The following OPCML variants were observed in gnomAD, a reference collection of about 807,000 sequenced individuals.
The protein encoded by OPCML is opioid-binding protein/cell adhesion molecule.
In OPCML, 13 loss-of-function variants were observed where a neutral mutation model predicts 37.8. That is an observed-to-expected ratio of 0.34 (90% CI 0.22 to 0.55). OPCML has a LOEUF of 0.55. Among genes scored for constraint, OPCML ranks in the 20% least tolerant of loss-of-function variants. The probability of loss-of-function intolerance (pLI) is 0.91; values close to 1 mark genes in which losing one functional copy is unlikely to be tolerated. For missense variants in OPCML, 341 were observed against 435.6 expected (o/e 0.78, Z 1.93); for synonymous variants, 176 against 168.8 (o/e 1.04, Z -0.33).
At position 133,206,688 on chromosome 11, in the gene OPCML, T is replaced by A. The variant is rs1219875596; in HGVS notation, c.62-263678A>T. ...CTGTGCTCTCCTGCTCGATGAAGCT[T>A]CTATCTGTGTATCCTGGTGTGCTTG... On this transcript the variant is annotated intron_variant, in intron 1 of 7. Coordinates refer to ENST00000524381, the MANE Select transcript of OPCML (RefSeq NM_001012393.5). The surrounding 1 kb of genome is among the most constrained non-coding windows in gnomAD (Gnocchi z 4.7). Among the ~76,000 whole-genome samples the A allele has an allele frequency of 1.3e-5, 2 of 152,282 alleles. No homozygotes were observed. The highest frequency in any genetic ancestry group is 3.4e-3 in the Middle Eastern group (1 of 294).
chr11:132,903,463 C>T (rs1222815041), intron 2 of OPCML, among the ~76,000 whole-genome samples: 1 of 152,154 alleles, frequency 6.6e-6, no homozygotes, highest in Non-Finnish European at 1.5e-5. Context: ...TGGAACCCTT[C>T]TCTCATTCAA....
intron 2 of OPCML, chr11:132,772,077 C>T (rs1477508582): frequency 6.6e-6 from 1 of 152,174 alleles, no homozygotes; most frequent in Admixed American, 6.5e-5. Flanking sequence ...AACACTGGTT[C>T]TTAGGTCCAA....
chr11:132,564,620 C>A (rs1460132140), intron 3 of OPCML, among the ~76,000 whole-genome samples: 5 of 152,012 alleles, frequency 3.3e-5, no homozygotes, highest in Non-Finnish European at 7.4e-5. Context: ...GTGACAGGCG[C>A]TTAGAAAGTA....
intron 1 of OPCML, among the ~76,000 whole-genome samples, chr11:133,268,574 T>G (rs1377282191): frequency 6.6e-6 from 1 of 152,236 alleles, no homozygotes; most frequent in South Asian, 2.1e-4. Flanking sequence ...AATACACCTT[T>G]ATTTTAATGA....
intron 1 of OPCML, among the ~76,000 whole-genome samples, chr11:133,500,139 G>A (rs1220381629): frequency 1.3e-5 from 2 of 151,906 alleles, no homozygotes; most frequent in Non-Finnish European, 2.9e-5. Flanking sequence ...CAAAGTGCTG[G>A]GTTTACAGGC....
intron 1 of OPCML, among the ~76,000 whole-genome samples, chr11:133,507,283 G>T (rs1948055141): frequency 6.6e-6 from 1 of 152,194 alleles, no homozygotes. Flanking sequence ...TGGAGCAGGA[G>T]GATGGGACAC....
chr11:133,441,550 A>T (rs1430331383), intron 1 of OPCML, among the ~76,000 whole-genome samples: 2 of 152,146 alleles, frequency 1.3e-5, no homozygotes, highest in Admixed American at 1.3e-4. Context: ...TTATAATTTC[A>T]AAAGGATTAG....
intron 4 of OPCML, among the ~76,000 whole-genome samples, chr11:132,468,855 A>G (rs1392410756): frequency 2.0e-5 from 3 of 151,960 alleles, no homozygotes; most frequent in Non-Finnish European, 4.4e-5. Flanking sequence ...ACCTCCCAGA[A>G]CTCTCCTGCA....
chr11:132,494,028 C>T (rs941028684), intron 4 of OPCML, among the ~76,000 whole-genome samples: 1 of 152,228 alleles, frequency 6.6e-6, no homozygotes, highest in African/African-American at 2.4e-5. Flanking sequence ...GGGTGCCTTT[C>T]CCTGCCTGGC....
intron 2 of OPCML, among the ~76,000 whole-genome samples, chr11:132,870,159 A>T (rs1942741144): frequency 6.6e-6 from 1 of 152,194 alleles, no homozygotes; most frequent in African/African-American, 2.4e-5. Context: ...CATTGGGAGA[A>T]TTTAAGTAAC....
At chr11:133,183,621 T>C (rs750917954) in intron 1 of OPCML, among the ~76,000 whole-genome samples, 19 of 152,298 alleles carry the variant, frequency 1.2e-4, no homozygotes, top group Admixed American at 7.8e-4. Context: ...ACCTAAATTT[T>C]CGAGAGTGTA....
intron 2 of OPCML, among the ~76,000 whole-genome samples, chr11:132,811,981 T>G (rs1414796041): frequency 6.6e-6 from 1 of 152,200 alleles, no homozygotes; most frequent in Non-Finnish European, 1.5e-5. Context: ...CTCTTGTACC[T>G]CTTAGTTTAT....
At chr11:133,366,583 AT>A (rs1283766760) in intron 1 of OPCML, among the ~76,000 whole-genome samples, 1 of 152,164 alleles carries the variant, frequency 6.6e-6, no homozygotes, top group Non-Finnish European at 1.5e-5. Context: ...TCCCTTCATG[AT>A]GGGGAGAAGA....
intron 1 of OPCML, among the ~76,000 whole-genome samples, chr11:133,063,368 A>G (rs983358167): frequency 6.6e-6 from 1 of 152,126 alleles, no homozygotes. Context: ...AAAGGAGGAA[A>G]GCCACGTTGT....
chr11:132,675,181 G>GTA (rs10602904), intron 2 of OPCML, among the ~76,000 whole-genome samples: 123 of 143,612 alleles, frequency 8.6e-4, no homozygotes, highest in Middle Eastern at 3.7e-3. Flanking sequence ...GTGTGTGTGT[G>GTA]TATATATATA....
At chr11:132,840,758 A>G (rs1941251215) in intron 2 of OPCML, among the ~76,000 whole-genome samples, 1 of 152,184 alleles carries the variant, frequency 6.6e-6, no homozygotes, top group Non-Finnish European at 1.5e-5. Context: ...AAGGGTGGGA[A>G]TTCTTTTTCA....
intron 2 of OPCML, among the ~76,000 whole-genome samples, chr11:132,821,741 C>A (rs1250097146): frequency 6.6e-6 from 1 of 152,122 alleles, no homozygotes; most frequent in African/African-American, 2.4e-5. Context: ...TATCTTCCCC[C>A]CTCTTTCCAT....
intron 1 of OPCML, among the ~76,000 whole-genome samples, chr11:133,525,943 C>A (rs998428848): frequency 6.6e-6 from 1 of 152,182 alleles, no homozygotes; most frequent in African/African-American, 2.4e-5. Context: ...AACGAGAATG[C>A]GCCTGCATCA....
At chr11:133,362,125 T>A (rs1390139830) in intron 1 of OPCML, 1 of 152,258 alleles carries the variant, frequency 6.6e-6, no homozygotes. Flanking sequence ...GCATTTTCCT[T>A]CCACCAGTCA....
Sources: allele counts gnomAD v4.1 joint callset (sites outside exome capture counted in the v4.1 genomes callset), GRCh38; gene constraint gnomAD v4.1.1; non-coding constraint Gnocchi (gnomAD v3.1); transcripts MANE v1.5; gene names NCBI Gene and HGNC (gene_info 2026-07-23, HGNC 2026-07-21).